ADAMTSL3: variants seen among roughly 807,000 people sequenced by gnomAD.
ADAMTSL3 encodes the protein ADAMTS like 3, also known as ADAMTS-like protein 3.
ADAMTSL3 carries 128 observed loss-of-function variants against 201.7 expected under a neutral mutation model. The observed-to-expected ratio is 0.63, with a 90% CI of 0.55 to 0.73. The LOEUF is 0.73. Ranked by LOEUF, ADAMTSL3 falls within the 30% of genes least tolerant of loss-of-function variation. ADAMTSL3 has a pLI of 0.00. For synonymous variants in ADAMTSL3, 738 were observed against 748.4 expected, an observed-to-expected ratio of 0.99 and a Z score of 0.23; for missense variants, 1,990 against 2,119.6, an observed-to-expected ratio of 0.94 and a Z score of 1.20.
At chr15:83,934,261 C>T (rs1362139291) in intron 17 of ADAMTSL3, among the ~76,000 whole-genome samples, 7 of 152,150 alleles carry the variant, frequency 4.6e-5, no homozygotes, top group African/African-American at 7.2e-5. Flanking sequence ...GACCTGTATG[C>T]GACACACGAA....
intron 3 of ADAMTSL3, among the ~76,000 whole-genome samples, chr15:83,729,199 G>A (rs1333051392): frequency 1.3e-5 from 2 of 151,882 alleles, no homozygotes; most frequent in Non-Finnish European, 2.9e-5. Flanking sequence ...CTTAACCCTT[G>A]GGAGTTTGAT....
intron 20 of ADAMTSL3, among the ~76,000 whole-genome samples, chr15:83,979,897 A>G (rs571192725): frequency 1.7e-4 from 26 of 152,326 alleles, no homozygotes; most frequent in Middle Eastern, 3.4e-3. Flanking sequence ...GGCTTAATTC[A>G]TGGTACATGC....
At chr15:84,029,090 A>T (rs1312528163) in intron 27 of ADAMTSL3, among the ~76,000 whole-genome samples, 2 of 152,206 alleles carry the variant, frequency 1.3e-5, no homozygotes, top group Non-Finnish European at 2.9e-5. Context: ...GTAAAAATGA[A>T]CTAATATAGT....
intron 2 of ADAMTSL3, among the ~76,000 whole-genome samples, chr15:83,663,579 A>G (rs1231041299): frequency 1.3e-5 from 2 of 152,180 alleles, no homozygotes; most frequent in African/African-American, 2.4e-5. Context: ...CACACTTGAT[A>G]CACATTGTGG....
At position 83,903,239 on chromosome 15, in the gene ADAMTSL3, G is replaced by C. The variant is rs577102520; in HGVS notation, c.1700+3508G>C. Reference sequence around the variant, plus strand: ...CATTTTCTTTTTCTTTCGGCTGCCAGATCTTTTTTTTTTTTTTTATCATGG... The same window carrying C: ...CATTTTCTTTTTCTTTCGGCTGCCACATCTTTTTTTTTTTTTTTATCATGG... On this transcript the variant is annotated intron_variant, in intron 15 of 29. Transcript: ENST00000286744. 3.3e-3 allele frequency among the ~76,000 whole-genome samples: 268 copies of C among 80,184 alleles called. 1 individual carries two copies. The highest frequency in any genetic ancestry group is 0.017 in the African/African-American group (260 of 15,638). 52.6% of individuals were successfully genotyped at this position (80,184 alleles called of 152,430 possible).
At chr15:83,746,214 T>C (rs1016081578) in intron 3 of ADAMTSL3, among the ~76,000 whole-genome samples, 4 of 151,790 alleles carry the variant, frequency 2.6e-5, no homozygotes, top group Admixed American at 2.6e-4. Context: ...ATCAAGAATG[T>C]GATGTTTGCC....
At chr15:83,872,459 T>G (rs1345884997) in intron 9 of ADAMTSL3, among the ~76,000 whole-genome samples, 1 of 152,188 alleles carries the variant, frequency 6.6e-6, no homozygotes, top group Non-Finnish European at 1.5e-5. Flanking sequence ...TAGACAGTCA[T>G]ATTATGAAAG....
At chr15:83,846,127 C>T (rs566245309) in intron 7 of ADAMTSL3, among the ~76,000 whole-genome samples, 1 of 152,324 alleles carries the variant, frequency 6.6e-6, no homozygotes, top group African/African-American at 2.4e-5. Context: ...GACCTGACAC[C>T]TGCTGACCAG....
chr15:83,830,833 G>A (rs1359400630), intron 6 of ADAMTSL3, among the ~76,000 whole-genome samples: 1 of 152,152 alleles, frequency 6.6e-6, no homozygotes, highest in South Asian at 2.1e-4. Flanking sequence ...GAGCCCATTT[G>A]CAGGAGGCCA....
At chr15:83,740,304 T>A (rs1201527470) in intron 3 of ADAMTSL3, 3 of 152,384 alleles carry the variant, frequency 2.0e-5, no homozygotes, top group African/African-American at 7.2e-5. Flanking sequence ...AGAAATCATA[T>A]GGTTTATTTT....
chr15:83,867,529 G>C (rs1192664571), intron 8 of ADAMTSL3, among the ~76,000 whole-genome samples: 1 of 152,192 alleles, frequency 6.6e-6, no homozygotes, highest in African/African-American at 2.4e-5. Flanking sequence ...TCAGTTGGAA[G>C]AATATTTTCC....
At chr15:83,950,673 T>C (rs147508407) in intron 19 of ADAMTSL3, among the ~76,000 whole-genome samples, 1 of 152,222 alleles carries the variant, frequency 6.6e-6, no homozygotes, top group East Asian at 1.9e-4. Flanking sequence ...TCCTCTTCAA[T>C]TTCTTTCATC....
At chr15:83,770,125 A>T (rs1280025857) in intron 3 of ADAMTSL3, among the ~76,000 whole-genome samples, 1 of 152,190 alleles carries the variant, frequency 6.6e-6, no homozygotes, top group Non-Finnish European at 1.5e-5. Flanking sequence ...AGCAATGGTA[A>T]TATTTTAATT....
intron 19 of ADAMTSL3, among the ~76,000 whole-genome samples, chr15:83,957,769 A>G (rs952890414): frequency 1.3e-5 from 2 of 152,132 alleles, no homozygotes; most frequent in African/African-American, 4.8e-5. Context: ...AGGTATCAGT[A>G]AAGAATTACA....
Position 83,841,683 on chromosome 15 carries a change from G to A in ADAMTSL3, c.727+3468G>A, listed in dbSNP as rs778508487. On this transcript the variant is annotated intron_variant, in intron 7 of 29. Coordinates refer to ENST00000286744, the MANE Select transcript of ADAMTSL3 (RefSeq NM_207517.3). ...GAGGGGGGGCAGGAAATTGAAGGGC[G>A]GGGTTCCTGGCTAGGGCTCCGCCCT... Among the ~76,000 whole-genome samples the A allele has an allele frequency of 6.6e-5, 10 of 152,108 alleles. No homozygotes were observed. In the South Asian group the frequency reaches 1.5e-3, roughly 22 times the overall value.
intron 13 of ADAMTSL3, among the ~76,000 whole-genome samples, chr15:83,893,126 A>G (rs1361286962): frequency 1.3e-5 from 2 of 152,146 alleles, no homozygotes; most frequent in African/African-American, 4.8e-5. Context: ...CCATACAATT[A>G]CCAGCGTAAT....
At chr15:84,029,312 G>A (rs2895992) in intron 27 of ADAMTSL3, among the ~76,000 whole-genome samples, 58,821 of 152,018 alleles carry the variant, frequency 0.39, 11,707 homozygotes, top group Middle Eastern at 0.48. Context: ...TCCAGGCTGA[G>A]ATGGTCTCAG....
chr15:83,993,611 G>A (rs1381405234), intron 23 of ADAMTSL3, among the ~76,000 whole-genome samples: 1 of 152,076 alleles, frequency 6.6e-6, no homozygotes, highest in Non-Finnish European at 1.5e-5. Context: ...CATGTGGTAT[G>A]GATATCAATA....
chr15:83,726,696 A>T (rs545180043), intron 3 of ADAMTSL3, among the ~76,000 whole-genome samples: 1 of 152,178 alleles, frequency 6.6e-6, no homozygotes, highest in South Asian at 2.1e-4. Context: ...GATGTGTCAC[A>T]TTGATTTGCA....
Sources: allele counts gnomAD v4.1 joint callset (sites outside exome capture counted in the v4.1 genomes callset), GRCh38; gene constraint gnomAD v4.1.1; transcripts MANE v1.5; gene names NCBI Gene and HGNC (gene_info 2026-07-23, HGNC 2026-07-21).